FBN3: variants seen among roughly 807,000 people sequenced by gnomAD.
FBN3 encodes the protein fibrillin 3, also known as fibrillin-3.
FBN3 carries 234 observed loss-of-function variants against 330.1 expected under a neutral mutation model. The observed-to-expected ratio is 0.71, with a 90% CI of 0.64 to 0.79. The LOEUF (loss-of-function observed/expected upper bound fraction) is 0.79. Ranked by LOEUF, FBN3 falls within the 30% of genes least tolerant of loss-of-function variation. FBN3 has a pLI of 0.00. For synonymous variants in FBN3, 1,458 were observed against 1,517.3 expected (o/e 0.96, Z 0.91); for missense variants, 3,606 against 3,886.9 (o/e 0.93, Z 1.92).
chr19:8,123,728 C>T, intron 23 of FBN3, 56 bp downstream of exon 23: 1 of 1,599,980 alleles, frequency 6.3e-7, no homozygotes, highest in Admixed American at 1.7e-5. Flanking sequence ...CAGGCTTTTG[C>T]CTATGCCGTG....
intron 47 of FBN3, among the ~76,000 whole-genome samples, chr19:8,093,086 AT>A (rs1371860271): frequency 3.5e-5 from 5 of 144,618 alleles, no homozygotes; most frequent in Non-Finnish European, 4.6e-5. Flanking sequence ...GAAAAAAAAA[AT>A]TTAAACCTTA....
chr19:8,121,719 GTTTTA>G lies in FBN3; in HGVS notation c.3083-338_3083-334del, dbSNP rs369019479. On this transcript the variant is annotated intron_variant, in intron 24 of 63. Transcript: ENST00000600128. This position sits in a 1 kb window ranked among gnomAD's most constrained non-coding sequence, Gnocchi z 4.5. The stretch of plus-strand genomic sequence containing the variant: ...ATTTTGATGGTAGATTTGTTTGTTT[GTTTTA>G]TTTTATTTTATTTTTATTACTTATT... Among the ~76,000 whole-genome samples the G allele has an allele frequency of 5.9e-5, 9 of 151,882 alleles. No homozygotes were observed. Among genetic ancestry groups the G allele is most frequent in the East Asian group, 1.9e-4 (1 of 5,190 alleles).
At chr19:8,099,135 G>A (rs1568391870) in intron 41 of FBN3, among the ~76,000 whole-genome samples, 1 of 150,524 alleles carries the variant, frequency 6.6e-6, no homozygotes, top group Admixed American at 6.6e-5. Context: ...TTTTCAGTGG[G>A]GGACCTATTA....
chr19:8,077,327 A>G (rs1006488337), intron 59 of FBN3, among the ~76,000 whole-genome samples: 1 of 152,146 alleles, frequency 6.6e-6, no homozygotes, highest in Non-Finnish European at 1.5e-5. Context: ...CACTAAGCAC[A>G]TATCTATGGA....
chr19:8,135,657 A>G (rs1442829812), intron 13 of FBN3, among the ~76,000 whole-genome samples: 1 of 151,950 alleles, frequency 6.6e-6, no homozygotes, highest in Non-Finnish European at 1.5e-5. Flanking sequence ...TTTTCAGCTC[A>G]AGAGATTCTC....
rs541628469 is a variant in FBN3 at position 8,079,737 on chromosome 19, C to A, written c.7453+1266G>T. Among the ~76,000 whole-genome samples, 199 of 152,114 alleles carry A rather than the reference C, an allele frequency of 1.3e-3. 3 individuals carry two copies. The South Asian group carries it at 0.036, about 27-fold the overall frequency. Reference sequence around the variant, plus strand: ...TCCCAAGTAGTTGGGATTACAGGCGCCACCACCACACCCGGCTAATTTTTG... The same window carrying A: ...TCCCAAGTAGTTGGGATTACAGGCGACACCACCACACCCGGCTAATTTTTG... On this transcript the variant is annotated intron_variant, in intron 59 of 63. Transcript: ENST00000600128.
intron 26 of FBN3, among the ~76,000 whole-genome samples, chr19:8,118,168 C>T (rs374823212): frequency 6.6e-6 from 1 of 152,102 alleles, no homozygotes; most frequent in East Asian, 1.9e-4. Flanking sequence ...CAGAGGTACA[C>T]CCACACAGAC....
intron 47 of FBN3, among the ~76,000 whole-genome samples, chr19:8,092,924 G>T (rs1482735132): frequency 6.6e-6 from 1 of 152,022 alleles, no homozygotes; most frequent in Admixed American, 6.6e-5. Flanking sequence ...TGGGAGGGGG[G>T]TGAGGGATAA....
Position 8,091,569 on chromosome 19 carries a change from T to C in FBN3, c.5927A>G (p.Glu1976Gly), listed in dbSNP as rs754690630. Reference protein sequence around the residue: ...HCIDIDECSEEPNLCLFGTCT... With the variant: ...HCIDIDECSEGPNLCLFGTCT... ...GGTGCCAAAGAGGCAGAGGTTGGGCTCCTCTGAGCACTCGTCGATATCTGG... is the reference window on the plus strand; with the variant it reads ...GGTGCCAAAGAGGCAGAGGTTGGGCCCCTCTGAGCACTCGTCGATATCTGG... Residue 1976 changes from glutamate (E) to glycine (G), a missense_variant, in exon 48 of 64, where the codon GAG becomes GGG. By Grantham distance (98) the Glu-to-Gly change is moderately conservative. Coordinates refer to ENST00000600128, the MANE Select transcript of FBN3 (RefSeq NM_032447.5). 4 of 1,613,992 alleles carry C rather than the reference T, an allele frequency of 2.5e-6. No homozygotes were observed. The highest frequency in any genetic ancestry group is 3.4e-6 in the Non-Finnish European group (4 of 1,179,930).
chr19:8,091,453 G>C lies in FBN3; in HGVS notation c.6031+12C>G. On this transcript the variant is annotated intron_variant, in intron 48 of 63. Transcript: ENST00000600128. ...CTTCCCACCCTCTTCCCTAAGCCCT[G>C]TGTGGACTTACCAAAGCAACGGTGC... The C allele has an allele frequency of 6.2e-6, 10 of 1,613,980 alleles. No homozygotes were observed. Among genetic ancestry groups the C allele is most frequent in the Non-Finnish European group, 8.5e-6 (10 of 1,179,902 alleles).
chr19:8,126,982 C>T (rs1217828193), intron 18 of FBN3, 150 bp from the exon 19 acceptor site: 7 of 733,662 alleles, frequency 9.5e-6, no homozygotes, highest in Admixed American at 3.3e-5. Flanking sequence ...ATCAAATGTG[C>T]ATGCAAGCAC....
rs562563165 is a variant in FBN3, at chr19:8,129,838, G to A, written c.2045-473C>T. 2.0e-5 allele frequency among the ~76,000 whole-genome samples: 3 copies of A among 151,984 alleles called. No homozygotes were observed. Among genetic ancestry groups the A allele is most frequent in the African/African-American group, 7.2e-5 (3 of 41,450 alleles). On this transcript the variant is annotated intron_variant, in intron 16 of 63. Coordinates refer to ENST00000600128, the MANE Select transcript of FBN3 (RefSeq NM_032447.5). This position sits in a 1 kb window ranked among gnomAD's most constrained non-coding sequence, Gnocchi z 4.5. ...TTTGGGAGGCTGAGGTGGGAGGATT[G>A]CTTGAGCCCAGGAGTTTGAGACCAG...
At chr19:8,128,920 A>G in intron 18 of FBN3, 108 bp downstream of exon 18, 1 of 1,349,150 alleles carries the variant, frequency 7.4e-7, no homozygotes, top group Non-Finnish European at 1.0e-6. Context: ...TAGAGGTAAC[A>G]TGTAAGCATC....
At chr19:8,098,323 T>TG (rs1473673140) in intron 41 of FBN3, among the ~76,000 whole-genome samples, 1 of 150,652 alleles carries the variant, frequency 6.6e-6, no homozygotes, top group African/African-American at 2.5e-5. Context: ...TGTCAATCAA[T>TG]GGGGGACAGG....
intron 59 of FBN3, among the ~76,000 whole-genome samples, chr19:8,080,462 G>A (rs1036892942): frequency 1.3e-5 from 2 of 152,174 alleles, no homozygotes; most frequent in Non-Finnish European, 2.9e-5. Context: ...GACTTGTCAG[G>A]GGGAAGGCAA....
At chr19:8,104,042 T>C (rs975037687) in intron 38 of FBN3, among the ~76,000 whole-genome samples, 1 of 150,994 alleles carries the variant, frequency 6.6e-6, no homozygotes, top group Non-Finnish European at 1.5e-5. Flanking sequence ...GGAGGATCAC[T>C]TGAGTCCAGG....
chr19:8,111,262 T>C, intron 32 of FBN3, 79 bp from the exon 33 acceptor site: 3 of 1,486,684 alleles, frequency 2.0e-6, no homozygotes, highest in Non-Finnish European at 2.7e-6. Context: ...CCCCAGTCAC[T>C]GGAACACTTC....
At chr19:8,099,502 G>C (rs577028248) in intron 41 of FBN3, among the ~76,000 whole-genome samples, 2 of 150,980 alleles carry the variant, frequency 1.3e-5, no homozygotes, top group African/African-American at 2.4e-5. Flanking sequence ...GGATGGTCTC[G>C]ATCTCCTGAC....
chr19:8,096,892 C>G lies in FBN3; in HGVS notation c.5402G>C (p.Gly1801Ala), dbSNP rs1490040656. 6.2e-7 allele frequency: 1 copy of G among 1,613,320 alleles called. No individual in the cohort carries two copies. Among genetic ancestry groups the G allele is most frequent in the African/African-American group, 1.3e-5 (1 of 74,932 alleles). Residue 1801 changes from glycine (G) to alanine (A), a missense_variant, in exon 43 of 64, where the codon GGG becomes GCG. Transcript: ENST00000600128. The surrounding 1 kb of genome is among the most constrained non-coding windows in gnomAD (Gnocchi z 4.6). ...CTRGYKLSPG[G>A]ACVGRNECRE... ...GGGACCCTGCTCACCCACACAAGCC[C>G]CGCCTGGCGACAGTTTGTACCCTCG... is the stretch of plus-strand genomic sequence containing the variant.
Sources: gnomAD v4.1 joint callset for allele counts (sites outside exome capture counted in the v4.1 genomes callset) on GRCh38, gnomAD v4.1.1 for gene constraint, Gnocchi (gnomAD v3.1) non-coding constraint, MANE v1.5 for transcripts, NCBI Gene and HGNC (gene_info 2026-07-23, HGNC 2026-07-21) for gene names.